MEAK7: variants seen among roughly 807,000 people sequenced by gnomAD.
MEAK7 encodes the protein MTOR associated protein MEAK7, also known as MTOR-associated protein MEAK7.
In MEAK7, 68 loss-of-function variants were observed where a neutral mutation model predicts 40.5. The ratio of observed to expected loss-of-function variants is 1.68; its 90% CI spans 1.38 to 2.06. The LOEUF (loss-of-function observed/expected upper bound fraction) is 2.06, where lower values mean the gene tolerates loss of function less well. Among genes scored for constraint, MEAK7 ranks in the 30% most tolerant of loss-of-function variants. The pLI, the probability that MEAK7 is intolerant of heterozygous loss-of-function variation, is 0.00. For synonymous variants in MEAK7, 338 were observed against 231.9 expected (o/e 1.46, Z -4.16); for missense variants, 918 against 580.5 (o/e 1.58, Z -5.98).
At chr16:84,495,029 G>A (rs1435337924) in intron 3 of MEAK7, among the ~76,000 whole-genome samples, 1 of 152,158 alleles carries the variant, frequency 6.6e-6, no homozygotes, top group African/African-American at 2.4e-5. Context: ...ACCACTTTGG[G>A]AGGCCAAGGC....
intron 3 of MEAK7, among the ~76,000 whole-genome samples, chr16:84,490,722 T>C (rs440952): frequency 0.42 from 60,590 of 144,230 alleles, 13,268 homozygotes; most frequent in South Asian, 0.58. Context: ...TGCCTTTTTG[T>C]CTCTCCTAGG....
At position 84,476,397 on chromosome 16, in the gene MEAK7, A is replaced by T. The variant is rs1179520984; in HGVS notation, c.*3516T>A. On this transcript the variant is annotated 3_prime_UTR_variant, in exon 8 of 8. Coordinates refer to ENST00000343629, the MANE Select transcript of MEAK7 (RefSeq NM_020947.4). ...ATTTTAATACAGTTTTGCTGAAAAC[A>T]TGGCAAACAGGCACCCCGGTATATT... The T allele has an allele frequency of 6.6e-6, 1 of 152,194 alleles. No individual in the cohort carries two copies. The highest frequency in any genetic ancestry group is 1.5e-5 in the Non-Finnish European group (1 of 68,036). 9.4% of individuals were successfully genotyped at this position (152,194 alleles called of 1,614,324 possible). A position where few individuals can be genotyped will look rare whatever the true frequency, so the allele number is the denominator to read the frequency against.
chr16:84,498,641 G>A lies in MEAK7; in HGVS notation c.-25-530C>T, dbSNP rs562401643. Among the ~76,000 whole-genome samples, 12 of 152,018 alleles carry A rather than the reference G, an allele frequency of 7.9e-5. No individual in the cohort carries two copies. The South Asian group carries it at 2.1e-3, about 26-fold the overall frequency. On this transcript the variant is annotated intron_variant, in intron 1 of 7. Transcript: ENST00000343629. ...CAAAGCTGGAAAAGCCCATCGTGACGCCCATGACCTACTGAAACACACCCA... is the reference window on the plus strand; with the variant it reads ...CAAAGCTGGAAAAGCCCATCGTGACACCCATGACCTACTGAAACACACCCA...
At chr16:84,485,622 T>A (rs1285233830) in intron 5 of MEAK7, among the ~76,000 whole-genome samples, 5 of 147,390 alleles carry the variant, frequency 3.4e-5, no homozygotes, top group Admixed American at 1.4e-4. Flanking sequence ...CTGTAAACAT[T>A]TCAAAAACTA....
At position 84,495,889 on chromosome 16, in the gene MEAK7, G is replaced by C. The variant is rs1303458433; in HGVS notation, c.178C>G (p.Pro60Ala). Residue 60 changes from proline (P) to alanine (A), a missense_variant, in exon 3 of 8, where the codon CCA becomes GCA. By Grantham distance (27) the Pro-to-Ala change is conservative. Coordinates refer to ENST00000343629, the MANE Select transcript of MEAK7 (RefSeq NM_020947.4). ...TCATACAGCCTGGTGACCATCTCTG[G>C]GGGAAGAGCTTCCCCGACGTGGTTC... ...LQNHVGEALP[P>A]EMVTRLYDGM... 2 of 1,613,900 alleles carry C rather than the reference G, an allele frequency of 1.2e-6. No homozygotes were observed. Among genetic ancestry groups the C allele is most frequent in the African/African-American group, 1.3e-5 (1 of 74,858 alleles).
At position 84,486,523 on chromosome 16, in the gene MEAK7, C is replaced by T. The variant is rs1913070736; in HGVS notation, c.958+108G>A. 2.0e-6 allele frequency: 3 copies of T among 1,476,306 alleles called. No individual in the cohort carries two copies. In the African/African-American group the frequency reaches 4.2e-5, roughly 21 times the overall value. 91.5% of individuals were successfully genotyped at this position (1,476,306 alleles called of 1,614,324 possible). A position where few individuals can be genotyped will look rare whatever the true frequency, so the allele number is the denominator to read the frequency against. ...CGCCCCGACTGCGTCTAGAGAAACA[C>T]TTGGAGAAGATGGGAGAGCCCTATT... On this transcript the variant is annotated intron_variant, in intron 5 of 7. Transcript: ENST00000343629.
At chr16:84,488,136 G>C (rs1171047317) in intron 4 of MEAK7, 1 of 151,888 alleles carries the variant, frequency 6.6e-6, no homozygotes, top group African/African-American at 2.4e-5. Context: ...GAAATCTTAA[G>C]GATAATTTTA....
intron 1 of MEAK7, among the ~76,000 whole-genome samples, chr16:84,501,343 G>A (rs951091390): frequency 4.6e-5 from 7 of 152,008 alleles, no homozygotes; most frequent in Admixed American, 3.3e-4. Flanking sequence ...GGGGAGGGCA[G>A]CAGAGGGCTG....
rs1178964911 is a variant in MEAK7, at chr16:84,480,697, C to T, written c.1089G>A (p.Gly363=). Residue 363 remains glycine (G), a synonymous_variant, in exon 7 of 8, where the codon GGG becomes GGA. Transcript: ENST00000343629. ...QTIPNGLGMG[G]QHNYFGLWVD... ...CCCAAAGCCCAAAGTAATTGTGCTG[C>T]CCCCCCATACCCTGCAAAGGAAGCC... 1.2e-6 allele frequency: 2 copies of T among 1,610,092 alleles called. No individual in the cohort carries two copies. Among genetic ancestry groups the T allele is most frequent in the Admixed American group, 1.7e-5 (1 of 59,326 alleles).
chr16:84,491,214 T>G (rs371645465), intron 3 of MEAK7, among the ~76,000 whole-genome samples: 2 of 150,836 alleles, frequency 1.3e-5, no homozygotes, highest in East Asian at 3.9e-4. Context: ...CCAAGGCGAG[T>G]GGATTACTTG....
At position 84,495,913 on chromosome 16, in the gene MEAK7, T is replaced by A. The variant is rs140610075; in HGVS notation, c.154A>T (p.Asn52Tyr). 3 of 1,613,806 alleles carry A rather than the reference T, an allele frequency of 1.9e-6. No homozygotes were observed. Among genetic ancestry groups the A allele is most frequent in the Non-Finnish European group, 1.7e-6 (2 of 1,180,012 alleles). The change falls in exon 3 of 8, where the codon AAC (asparagine) becomes TAC (tyrosine). Residue 52 changes from asparagine (N) to tyrosine (Y), a missense_variant and splice_region_variant. Asn to Tyr is a moderately radical substitution (Grantham distance 143). Coordinates refer to ENST00000343629, the MANE Select transcript of MEAK7 (RefSeq NM_020947.4). ...GGGGGAAGAGCTTCCCCGACGTGGT[T>A]CTGCCGGGGACAAGCAGAAAAATAT... is the stretch of plus-strand genomic sequence containing the variant. ...SKSFSLKALQ[N>Y]HVGEALPPEM...
Position 84,497,145 on chromosome 16 carries a change from C to A in MEAK7, c.153+789G>T, listed in dbSNP as rs560938284. The A allele has an allele frequency of 2.5e-5, 6 of 243,402 alleles. 1 individual carries two copies. Among genetic ancestry groups the A allele is most frequent in the Non-Finnish European group, 4.9e-5 (6 of 121,784 alleles). The allele number at this position is 243,402 out of a possible 1,614,324, so 15.1% of individuals were successfully genotyped here. On this transcript the variant is annotated intron_variant, in intron 2 of 7. Coordinates refer to ENST00000343629, the MANE Select transcript of MEAK7 (RefSeq NM_020947.4). ...CAGCTCACTGGATGTAACCCCCTGG[C>A]CAGTTTCCTCATCTGCTCCCATGCT...
intron 1 of MEAK7, 148 bp downstream of exon 1, chr16:84,504,453 T>TC: frequency 1.5e-5 from 4 of 270,366 alleles, no homozygotes; most frequent in Non-Finnish European, 2.0e-5. Context: ...CACCTCTCCC[T>TC]CCCCCGACCC....
At chr16:84,497,851 A>G in intron 2 of MEAK7, 83 bp downstream of exon 2, 1 of 1,583,112 alleles carries the variant, frequency 6.3e-7, no homozygotes. Context: ...TTACAAAAAC[A>G]CGAAAGCAGA....
chr16:84,494,668 C>T (rs1389950756), intron 3 of MEAK7: 16 of 349,580 alleles, frequency 4.6e-5, no homozygotes, highest in Non-Finnish European at 6.2e-5. Flanking sequence ...TCTCTTCCTC[C>T]CCCACTATTT....
chr16:84,484,867 G>A (rs1219762503), intron 5 of MEAK7, among the ~76,000 whole-genome samples: 1 of 152,142 alleles, frequency 6.6e-6, no homozygotes, highest in Admixed American at 6.5e-5. Flanking sequence ...GAATGAACTC[G>A]GGTTTGAAAA....
In MEAK7 at chr16:84,504,544, T is replaced by TC. The variant is rs139779803; in HGVS notation, c.-26+56dup. On this transcript the variant is annotated intron_variant, in intron 1 of 7. Coordinates refer to ENST00000343629, the MANE Select transcript of MEAK7 (RefSeq NM_020947.4). ...GACCCGTCTGCTCCAGTCCCCCGAC[T>TC]CAGCTGGGCCTGCGCCTCTGGGTCA... 3.5e-3 allele frequency: 3,422 copies of TC among 967,196 alleles called. 8 individuals carry two copies. Among genetic ancestry groups the TC allele is most frequent in the Non-Finnish European group, 4.0e-3 (3,228 of 813,250 alleles). The allele number at this position is 967,196 out of a possible 1,614,324, so 59.9% of individuals were successfully genotyped here. A position where few individuals can be genotyped will look rare whatever the true frequency, so the allele number is the denominator to read the frequency against.
Position 84,476,505 on chromosome 16 carries a change from A to C in MEAK7, c.*3408T>G, listed in dbSNP as rs952269664. The C allele has an allele frequency of 6.6e-6, 1 of 152,112 alleles. No homozygotes were observed. Among genetic ancestry groups the C allele is most frequent in the African/African-American group, 2.4e-5 (1 of 41,420 alleles). 9.4% of individuals were successfully genotyped at this position (152,112 alleles called of 1,614,324 possible). ...TATACCTCTCAATCCAACAATTCCA[A>C]TTCTAAGAGTTTATCCCACAGACAC... On this transcript the variant is annotated 3_prime_UTR_variant, in exon 8 of 8. Coordinates refer to ENST00000343629, the MANE Select transcript of MEAK7 (RefSeq NM_020947.4).
Position 84,498,001 on chromosome 16 carries a change from T to C in MEAK7, c.86A>G (p.Asp29Gly), listed in dbSNP as rs200727743. 2.7e-5 allele frequency: 43 copies of C among 1,614,080 alleles called. No homozygotes were observed. Among genetic ancestry groups the C allele is most frequent in the Non-Finnish European group, 3.2e-5 (38 of 1,180,050 alleles). Residue 29 changes from aspartate to glycine, a missense_variant, in exon 2 of 8, where the codon GAT (aspartate) becomes GGT (glycine). Physicochemically the swap from Asp to Gly is moderately conservative, Grantham distance 94. Transcript: ENST00000343629. ...EEQAEIDQLF[D>G]ALSSDKNSPN... ...GCTGTTTTTATCTGATGACAGAGCATCAAACAATTGATCAATCTCTGCCTG... is the reference window on the plus strand; with the variant it reads ...GCTGTTTTTATCTGATGACAGAGCACCAAACAATTGATCAATCTCTGCCTG...
Sources: allele counts gnomAD v4.1 joint callset (sites outside exome capture counted in the v4.1 genomes callset), GRCh38; gene constraint gnomAD v4.1.1; transcripts MANE v1.5; gene names NCBI Gene and HGNC (gene_info 2026-07-23, HGNC 2026-07-21).